Variants in MAP3K20 observed in about 807,000 individuals in gnomAD.
The protein encoded by MAP3K20 is mitogen-activated protein kinase kinase kinase 20.
In MAP3K20, 40 loss-of-function variants were observed where a neutral mutation model predicts 85.7. The ratio of observed to expected loss-of-function variants is 0.47; its 90% CI spans 0.36 to 0.61. The LOEUF (loss-of-function observed/expected upper bound fraction) is 0.61, where lower values mean the gene tolerates loss of function less well. MAP3K20 is among the 20% of genes least tolerant of loss of function. MAP3K20 has a pLI of 0.00. For synonymous variants in MAP3K20, 325 were observed against 327.7 expected, an observed-to-expected ratio of 0.99 and a Z score of 0.09; for missense variants, 817 against 961.7, an observed-to-expected ratio of 0.85 and a Z score of 1.99.
intron 3 of MAP3K20, among the ~76,000 whole-genome samples, chr2:173,172,479 C>T (rs1000010561): frequency 6.6e-6 from 1 of 152,052 alleles, no homozygotes; most frequent in African/African-American, 2.4e-5. Flanking sequence ...TTGATTCTGC[C>T]AGAGCTTCAT....
chr2:173,259,179 G>A (rs528084440), intron 17 of MAP3K20, among the ~76,000 whole-genome samples: 1 of 152,194 alleles, frequency 6.6e-6, no homozygotes, highest in African/African-American at 2.4e-5. Flanking sequence ...TTTTCCCGGA[G>A]AATGACTTTC....
intron 7 of MAP3K20, among the ~76,000 whole-genome samples, chr2:173,195,189 A>T (rs58049750): frequency 0.27 from 14,442 of 53,788 alleles, 931 homozygotes; most frequent in African/African-American, 0.32. Flanking sequence ...GCCTCTCTTT[A>T]AAAAAAAAAA....
intron 1 of MAP3K20, among the ~76,000 whole-genome samples, chr2:173,089,542 T>C (rs1166393894): frequency 6.6e-6 from 1 of 152,188 alleles, no homozygotes; most frequent in Admixed American, 6.5e-5. Flanking sequence ...TAGATTTTTT[T>C]ATCCAGAATC....
chr2:173,233,604 G>GT (rs1574142297), intron 14 of MAP3K20, among the ~76,000 whole-genome samples: 1 of 152,150 alleles, frequency 6.6e-6, no homozygotes, highest in East Asian at 1.9e-4. Flanking sequence ...GGACGAGTGT[G>GT]TATAGGTTAG....
chr2:173,224,140 A>G (rs111949359), intron 11 of MAP3K20: 4 of 863,794 alleles, frequency 4.6e-6, no homozygotes, highest in African/African-American at 3.7e-5. Context: ...ATGCCAAAAA[A>G]TGAAGCCGGG....
chr2:173,091,355 A>G (rs914927048), intron 2 of MAP3K20, among the ~76,000 whole-genome samples, 165 bp downstream of exon 2: 3 of 152,072 alleles, frequency 2.0e-5, no homozygotes, highest in Admixed American at 6.6e-5. Context: ...ATAAATAGAA[A>G]TTATTGCAGC....
intron 1 of MAP3K20, among the ~76,000 whole-genome samples, chr2:173,090,344 C>T (rs1001501618): frequency 2.6e-5 from 4 of 152,144 alleles, no homozygotes; most frequent in South Asian, 2.1e-4. Flanking sequence ...AGTATTCTTT[C>T]GATGACTTAA....
intron 3 of MAP3K20, among the ~76,000 whole-genome samples, chr2:173,176,993 A>C (rs968038363): frequency 5.9e-5 from 9 of 152,234 alleles, no homozygotes; most frequent in African/African-American, 2.2e-4. Flanking sequence ...AGACATCAGA[A>C]AGACATAGCA....
intron 16 of MAP3K20, among the ~76,000 whole-genome samples, chr2:173,249,694 A>G (rs920488955): frequency 1.3e-5 from 2 of 152,232 alleles, no homozygotes; most frequent in Admixed American, 1.3e-4. Flanking sequence ...CCACTCTGAC[A>G]TAGAATAGAT....
intron 8 of MAP3K20, among the ~76,000 whole-genome samples, chr2:173,199,587 G>A (rs988445231): frequency 6.6e-6 from 1 of 151,390 alleles, no homozygotes; most frequent in Non-Finnish European, 1.5e-5. Flanking sequence ...CTGACCTTGT[G>A]TAGACTCTGG....
chr2:173,218,153 C>T (rs1020604869), intron 11 of MAP3K20, among the ~76,000 whole-genome samples: 8 of 151,984 alleles, frequency 5.3e-5, no homozygotes, highest in African/African-American at 1.2e-4. Context: ...ACTGAAATGC[C>T]GCTCGTTTTG....
intron 16 of MAP3K20, among the ~76,000 whole-genome samples, chr2:173,250,499 G>A (rs993533837): frequency 3.3e-5 from 5 of 152,144 alleles, no homozygotes; most frequent in Admixed American, 6.6e-5. Context: ...ACAAACTGGC[G>A]TCATGTTTTT....
At chr2:173,134,236 A>G (rs1464617633) in intron 2 of MAP3K20, among the ~76,000 whole-genome samples, 1 of 139,826 alleles carries the variant, frequency 7.2e-6, no homozygotes, top group Admixed American at 7.3e-5. Flanking sequence ...TGTCCTCCAG[A>G]CTGGAGTGCC....
chr2:173,132,189 A>G (rs2278883), intron 2 of MAP3K20, among the ~76,000 whole-genome samples: 53,378 of 151,944 alleles, frequency 0.35, 10,081 homozygotes, highest in Non-Finnish European at 0.43. Flanking sequence ...TTCATCTGTC[A>G]TATGGACCTC....
intron 2 of MAP3K20, among the ~76,000 whole-genome samples, chr2:173,134,414 A>ATTTTT (rs1290040694): frequency 3.9e-3 from 24 of 6,118 alleles, no homozygotes; most frequent in Non-Finnish European, 7.9e-3. Context: ...ATATATATAT[A>ATTTTT]TATATATATA....
In MAP3K20 at chr2:173,129,110, G is replaced by A. The variant is rs554302976; in HGVS notation, c.159+37920G>A. Among the ~76,000 whole-genome samples, 13 of 151,858 alleles carry A rather than the reference G, an allele frequency of 8.6e-5. No homozygotes were observed. In the South Asian group the frequency reaches 1.5e-3, roughly 17 times the overall value. ...TAGCTGATTTATTTTTTTATTTTTA[G>A]TAGAGACAAGGTTTCACCATGTTGG... is the stretch of plus-strand genomic sequence containing the variant. On this transcript the variant is annotated intron_variant, in intron 2 of 19. Transcript: ENST00000375213.
intron 5 of MAP3K20, among the ~76,000 whole-genome samples, chr2:173,190,388 A>G (rs961440502): frequency 6.6e-6 from 1 of 152,218 alleles, no homozygotes; most frequent in Non-Finnish European, 1.5e-5. Flanking sequence ...AGACTTGCTT[A>G]CAGTCCTGTT....
intron 16 of MAP3K20, among the ~76,000 whole-genome samples, chr2:173,244,480 G>A (rs1684869905): frequency 6.6e-6 from 1 of 152,198 alleles, no homozygotes; most frequent in South Asian, 2.1e-4. Flanking sequence ...ATAACTCATA[G>A]TATCATCGTT....
intron 18 of MAP3K20, among the ~76,000 whole-genome samples, chr2:173,261,988 G>C (rs1035435854): frequency 6.6e-6 from 1 of 151,096 alleles, no homozygotes; most frequent in Non-Finnish European, 1.5e-5. Context: ...CTGCACTCCA[G>C]CCTGGGTGAG....
Sources: allele counts gnomAD v4.1 joint callset (sites outside exome capture counted in the v4.1 genomes callset), GRCh38; gene constraint gnomAD v4.1.1; transcripts MANE v1.5; gene names NCBI Gene and HGNC (gene_info 2026-07-23, HGNC 2026-07-21).